Variants in ASTN2 observed in about 807,000 individuals in gnomAD.
ASTN2 encodes astrotactin 2.
Under a neutral mutation model 139.8 loss-of-function variants are expected in ASTN2, and 54 were observed. The ratio of observed to expected loss-of-function variants is 0.39; its 90% CI spans 0.31 to 0.48. The LOEUF is 0.48. Among genes scored for constraint, ASTN2 ranks in the 20% least tolerant of loss-of-function variants. The pLI, the probability that ASTN2 is intolerant of heterozygous loss-of-function variation, is 0.95. For missense variants in ASTN2, 1,565 were observed against 1,725.1 expected, an observed-to-expected ratio of 0.91 and a Z score of 1.64; for synonymous variants, 756 against 719.5, an observed-to-expected ratio of 1.05 and a Z score of -0.81.
chr9:117,364,572 T>C (rs1362632820), intron 1 of ASTN2, among the ~76,000 whole-genome samples: 1 of 152,104 alleles, frequency 6.6e-6, no homozygotes, highest in Non-Finnish European at 1.5e-5. Context: ...TTGAGGAAGA[T>C]AAATAGCTGA....
chr9:116,719,529 C>T (rs192590998), intron 16 of ASTN2, among the ~76,000 whole-genome samples: 312 of 152,232 alleles, frequency 2.0e-3, no homozygotes, highest in Admixed American at 6.5e-3. Context: ...TGGTGCTTCT[C>T]ACTAGAACAC....
chr9:116,624,288 G>T (rs945710253), intron 17 of ASTN2, among the ~76,000 whole-genome samples: 1 of 152,160 alleles, frequency 6.6e-6, no homozygotes, highest in African/African-American at 2.4e-5. Context: ...GGGGGTAGAA[G>T]ATATGTTTTC....
intron 4 of ASTN2, among the ~76,000 whole-genome samples, chr9:117,101,968 T>C (rs1169286621): frequency 1.3e-5 from 2 of 152,216 alleles, no homozygotes; most frequent in Admixed American, 6.5e-5. Context: ...AAAACCACTT[T>C]GGTGGTTCCT....
At chr9:116,679,952 C>G (rs1859743469) in intron 16 of ASTN2, among the ~76,000 whole-genome samples, 1 of 152,032 alleles carries the variant, frequency 6.6e-6, no homozygotes, top group Admixed American at 6.6e-5. Flanking sequence ...CCTAACATCA[C>G]AATTAAAAGA....
chr9:116,713,008 T>C (rs1243352122), intron 16 of ASTN2, among the ~76,000 whole-genome samples: 2 of 152,164 alleles, frequency 1.3e-5, no homozygotes, highest in Non-Finnish European at 2.9e-5. Flanking sequence ...TTAGCAGCCA[T>C]GTGACCTTTG....
chr9:117,160,478 G>A (rs573342222), intron 3 of ASTN2, among the ~76,000 whole-genome samples: 163 of 150,792 alleles, frequency 1.1e-3, no homozygotes, highest in Middle Eastern at 6.8e-3. Context: ...CCACTAGAGG[G>A]TGACTATGAT....
At chr9:116,565,574 T>G (rs1480647780) in intron 19 of ASTN2, among the ~76,000 whole-genome samples, 1 of 147,652 alleles carries the variant, frequency 6.8e-6, no homozygotes, top group Non-Finnish European at 1.5e-5. Flanking sequence ...GCTCAAGTGA[T>G]CTTCCCACCT....
intron 12 of ASTN2, among the ~76,000 whole-genome samples, chr9:116,815,175 G>GT (rs1831275722): frequency 1.3e-5 from 2 of 152,140 alleles, no homozygotes; most frequent in African/African-American, 4.8e-5. Context: ...TCTCTGTTCT[G>GT]TCGTTCAGTG....
At position 116,790,747 on chromosome 9, in the gene ASTN2, C is replaced by T. The variant is rs530367249; in HGVS notation, c.2396+14885G>A. On this transcript the variant is annotated intron_variant, in intron 13 of 22. Transcript: ENST00000313400. ...CTGGAGTGCAGTGGTGTGATCTCGG[C>T]TCACTGCACCTCTGCCTCCCAGGTT... 2.0e-5 allele frequency among the ~76,000 whole-genome samples: 3 copies of T among 148,188 alleles called. No homozygotes were observed. In the East Asian group the frequency reaches 6.0e-4, roughly 30 times the overall value.
intron 11 of ASTN2, among the ~76,000 whole-genome samples, chr9:116,857,764 A>G (rs1395332153): frequency 4.6e-5 from 7 of 152,218 alleles, no homozygotes; most frequent in African/African-American, 1.4e-4. Context: ...GGTAGATTAA[A>G]GATGATCACA....
chr9:116,800,169 C>G (rs1830806914), intron 13 of ASTN2, among the ~76,000 whole-genome samples: 1 of 152,086 alleles, frequency 6.6e-6, no homozygotes, highest in Non-Finnish European at 1.5e-5. Context: ...CACACATTTC[C>G]CCCTTCCCCG....
chr9:117,414,520 G>T lies in ASTN2; in HGVS notation c.419C>A (p.Thr140Asn). The stretch of plus-strand genomic sequence containing the variant: ...ACCCAGGGTGAAGAAGGGCAGCTCG[G>T]TGTTGTCCAGGTCGTCCTGCACCGC... ...RIAVQDDLDN[T>N]ELPFFTLEMS... The change falls in exon 1 of 23, where the codon ACC (threonine) becomes AAC (asparagine). Residue 140 changes from threonine (T) to asparagine (N), a missense_variant. Thr to Asn is a moderately conservative substitution (Grantham distance 65). Coordinates refer to ENST00000313400, the MANE Select transcript of ASTN2 (RefSeq NM_001365068.1). This position sits in a 1 kb window ranked among gnomAD's most constrained non-coding sequence, Gnocchi z 4.2. The T allele has an allele frequency of 6.2e-7, 1 of 1,609,250 alleles. No individual in the cohort carries two copies. Among genetic ancestry groups the T allele is most frequent in the Non-Finnish European group, 8.5e-7 (1 of 1,178,352 alleles).
At chr9:116,692,021 C>A (rs1350292108) in intron 16 of ASTN2, among the ~76,000 whole-genome samples, 1 of 152,166 alleles carries the variant, frequency 6.6e-6, no homozygotes, top group East Asian at 1.9e-4. Flanking sequence ...CTGGTTTTTG[C>A]TCAAAATTGT....
intron 1 of ASTN2, among the ~76,000 whole-genome samples, chr9:117,351,796 T>C (rs528577475): frequency 1.3e-5 from 2 of 152,162 alleles, no homozygotes; most frequent in East Asian, 3.9e-4. Context: ...ATTAGTTCAT[T>C]AATTTGGATG....
At chr9:116,565,418 TATATATATA>T (rs1853172220) in intron 19 of ASTN2, among the ~76,000 whole-genome samples, 4 of 130,684 alleles carry the variant, frequency 3.1e-5, no homozygotes, top group East Asian at 2.1e-4. Flanking sequence ...TATATATATA[TATATATATA>T]TATTTATTTA....
chr9:116,607,551 C>A (rs1342243483), intron 19 of ASTN2, among the ~76,000 whole-genome samples: 1 of 152,026 alleles, frequency 6.6e-6, no homozygotes, highest in Non-Finnish European at 1.5e-5. Flanking sequence ...AAAAGTAACT[C>A]TTGGATTAGA....
At chr9:116,849,117 A>C (rs1318389567) in intron 11 of ASTN2, among the ~76,000 whole-genome samples, 1 of 152,206 alleles carries the variant, frequency 6.6e-6, no homozygotes, top group Non-Finnish European at 1.5e-5. Context: ...ATGTGGGAAG[A>C]GGCACGGAGT....
At chr9:117,137,036 A>G (rs547154888) in intron 4 of ASTN2, among the ~76,000 whole-genome samples, 1 of 150,532 alleles carries the variant, frequency 6.6e-6, no homozygotes, top group East Asian at 2.0e-4. Flanking sequence ...TGTACATCCA[A>G]AGAAATCTTC....
At chr9:117,292,879 A>T (rs1213597009) in intron 1 of ASTN2, among the ~76,000 whole-genome samples, 1 of 152,180 alleles carries the variant, frequency 6.6e-6, no homozygotes, top group East Asian at 1.9e-4. Context: ...CTTACTCATC[A>T]CCCAATTCCA....
Sources: gnomAD v4.1 joint callset for allele counts (sites outside exome capture counted in the v4.1 genomes callset) on GRCh38, gnomAD v4.1.1 for gene constraint, Gnocchi (gnomAD v3.1) non-coding constraint, MANE v1.5 for transcripts, NCBI Gene and HGNC (gene_info 2026-07-23, HGNC 2026-07-21) for gene names.